Variants in RAB11FIP1 observed in about 807,000 individuals in gnomAD.
RAB11FIP1 encodes the protein RAB11 family interacting protein 1, also known as rab11 family-interacting protein 1.
A neutral mutation model predicts 83.1 loss-of-function variants in RAB11FIP1; 49 were observed. The ratio of observed to expected loss-of-function variants is 0.59; its 90% CI spans 0.47 to 0.75. The LOEUF is 0.75. Ranked by LOEUF, RAB11FIP1 falls within the 30% of genes least tolerant of loss-of-function variation. The pLI is 0.00. For synonymous variants in RAB11FIP1, 670 were observed against 656.0 expected, an observed-to-expected ratio of 1.02 and a Z score of -0.33; for missense variants, 1,536 against 1,598.7, an observed-to-expected ratio of 0.96 and a Z score of 0.67.
At chr8:37,882,068 G>T (rs887340896) in intron 1 of RAB11FIP1, among the ~76,000 whole-genome samples, 2 of 152,140 alleles carry the variant, frequency 1.3e-5, no homozygotes, top group African/African-American at 4.8e-5. Context: ...CTCACCAACC[G>T]CAGGCGGGCA....
chr8:37,884,497 C>T (rs1168124292), intron 1 of RAB11FIP1, among the ~76,000 whole-genome samples: 3 of 152,158 alleles, frequency 2.0e-5, no homozygotes, highest in Admixed American at 1.3e-4. Flanking sequence ...AAGCCATCCT[C>T]CCACCTCAGC....
chr8:37,898,955 C>G lies in RAB11FIP1; in HGVS notation c.371+116G>C, dbSNP rs2130211643. 2.7e-6 allele frequency: 3 copies of G among 1,129,570 alleles called. No homozygotes were observed. The East Asian group carries it at 9.5e-5, about 36-fold the overall frequency. 70.0% of individuals were successfully genotyped at this position (1,129,570 alleles called of 1,614,324 possible). A position where few individuals can be genotyped will look rare whatever the true frequency, so the allele number is the denominator to read the frequency against. The stretch of plus-strand genomic sequence containing the variant: ...CCAGCACCGGCCGAGGGCTCCGTCC[C>G]GAAAGGCCTTCCCCGCTGCTGCCCG... On this transcript the variant is annotated intron_variant, in intron 1 of 5. Transcript: ENST00000330843.
chr8:37,890,978 T>C (rs78599272), intron 1 of RAB11FIP1, among the ~76,000 whole-genome samples: 4,315 of 152,176 alleles, frequency 0.028, 110 homozygotes, highest in Admixed American at 0.052. Context: ...CCACAACCAC[T>C]GCCTCCCTCA....
chr8:37,899,206 G>T lies in RAB11FIP1; in HGVS notation c.236C>A (p.Ser79Tyr). 1 of 1,575,702 alleles carries T rather than the reference G, an allele frequency of 6.3e-7. No homozygotes were observed. ...EATFELPSLL[S>Y]SGPAAAATLQ... ...GGTGGCGGCGGCCGCGGGTCCGGAGGACAGCAGCGATGGCAGCTCGAAGGT... is the reference window on the plus strand; with the variant it reads ...GGTGGCGGCGGCCGCGGGTCCGGAGTACAGCAGCGATGGCAGCTCGAAGGT... Residue 79 changes from serine (S) to tyrosine (Y), a missense_variant, in exon 1 of 6, where the codon TCC becomes TAC. Physicochemically the swap from Ser to Tyr is moderately radical, Grantham distance 144 (BLOSUM62 -2). Coordinates refer to ENST00000330843, the MANE Select transcript of RAB11FIP1 (RefSeq NM_001002814.3). The surrounding 1 kb of genome is among the most constrained non-coding windows in gnomAD (Gnocchi z 4.5).
At chr8:37,894,711 C>CATATATAT (rs1008699497) in intron 1 of RAB11FIP1, among the ~76,000 whole-genome samples, 18 of 145,044 alleles carry the variant, frequency 1.2e-4, no homozygotes, top group African/African-American at 4.4e-4. Flanking sequence ...CATATATATA[C>CATATATAT]ATATATATAT....
intron 4 of RAB11FIP1, chr8:37,871,013 T>C (rs920708621): frequency 3.7e-5 from 16 of 434,950 alleles, no homozygotes; most frequent in Non-Finnish European, 6.5e-5. Flanking sequence ...ACTGGTGGCA[T>C]TGCGTTTCTG....
intron 1 of RAB11FIP1, 84 bp downstream of exon 1, chr8:37,898,987 T>A (rs1283055419): frequency 1.5e-6 from 2 of 1,329,928 alleles, no homozygotes; most frequent in Admixed American, 7.3e-5. Context: ...CCCGGCTTAC[T>A]CTCGAAGGGT....
At chr8:37,879,928 C>CA (rs1806701000) in intron 1 of RAB11FIP1, among the ~76,000 whole-genome samples, 1 of 151,940 alleles carries the variant, frequency 6.6e-6, no homozygotes, top group Admixed American at 6.6e-5. Context: ...ATATATTTTA[C>CA]CACAATAAAA....
Position 37,883,762 on chromosome 8 carries a change from C to T in RAB11FIP1, c.372-6211G>A, listed in dbSNP as rs544073911. Among the ~76,000 whole-genome samples the T allele has an allele frequency of 1.1e-4, 17 of 152,266 alleles. No homozygotes were observed. In the East Asian group the frequency reaches 2.5e-3, roughly 22 times the overall value. ...CTAGCAACACAGCATGTGATGGCAG[C>T]GTGGGTGTGTTCCAGTATTATCTTT... On this transcript the variant is annotated intron_variant, in intron 1 of 5. Coordinates refer to ENST00000330843, the MANE Select transcript of RAB11FIP1 (RefSeq NM_001002814.3).
At chr8:37,896,028 C>T (rs768155865) in intron 1 of RAB11FIP1, among the ~76,000 whole-genome samples, 38 of 152,050 alleles carry the variant, frequency 2.5e-4, no homozygotes, top group Non-Finnish European at 4.0e-4. Context: ...TTTCACCTTT[C>T]GCCTGGCACG....
chr8:37,897,953 G>A (rs1057041199), intron 1 of RAB11FIP1, among the ~76,000 whole-genome samples: 2 of 152,322 alleles, frequency 1.3e-5, no homozygotes, highest in Middle Eastern at 3.4e-3. Context: ...GTTGCGCCCG[G>A]GGTTAGCCTT....
chr8:37,862,068 T>C lies in RAB11FIP1; in HGVS notation c.*827A>G, dbSNP rs1338794862. 6.5e-6 allele frequency: 1 copy of C among 153,558 alleles called. No homozygotes were observed. The highest frequency in any genetic ancestry group is 2.4e-5 in the African/African-American group (1 of 41,436). The allele number at this position is 153,558 out of a possible 1,614,324, so 9.5% of individuals were successfully genotyped here. A position where few individuals can be genotyped will look rare whatever the true frequency, so the allele number is the denominator to read the frequency against. Reference sequence around the variant, plus strand: ...CGAGTGCGTGGACCACCCAATCCCCTAGCAAAGCGCTGAATAGGCTGGTCT... The same window carrying C: ...CGAGTGCGTGGACCACCCAATCCCCCAGCAAAGCGCTGAATAGGCTGGTCT... On this transcript the variant is annotated 3_prime_UTR_variant, in exon 6 of 6. Transcript: ENST00000330843.
rs190026258 is a variant in RAB11FIP1 at position 37,861,654 on chromosome 8, T to A, written c.*1241A>T. ...CCCAGGCTGGAGTGCAGTGGCACGA[T>A]CTTGGCTCGCTGCAGCCTCCATCTC... On this transcript the variant is annotated 3_prime_UTR_variant, in exon 6 of 6. Transcript: ENST00000330843. 1.8e-4 allele frequency: 78 copies of A among 421,982 alleles called. No individual in the cohort carries two copies. The highest frequency in any genetic ancestry group is 1.3e-3 in the African/African-American group (64 of 47,610). The allele number at this position is 421,982 out of a possible 1,614,324, so 26.1% of individuals were successfully genotyped here.
chr8:37,865,504 G>C (rs57882564), intron 5 of RAB11FIP1, among the ~76,000 whole-genome samples: 1 of 151,872 alleles, frequency 6.6e-6, no homozygotes, highest in South Asian at 2.1e-4. Context: ...ATTTTTAGTA[G>C]AGACAGGGTT....
intron 1 of RAB11FIP1, among the ~76,000 whole-genome samples, chr8:37,885,896 C>A (rs567412704): frequency 2.6e-5 from 4 of 152,224 alleles, no homozygotes; most frequent in African/African-American, 9.6e-5. Flanking sequence ...TCCCAGGGGT[C>A]CTTCTGTCGG....
At chr8:37,882,259 G>A (rs1210103074) in intron 1 of RAB11FIP1, among the ~76,000 whole-genome samples, 4 of 152,182 alleles carry the variant, frequency 2.6e-5, no homozygotes, top group African/African-American at 9.7e-5. Context: ...AGGAAAATGA[G>A]GCTGGGACTT....
rs1414531887 is a variant in RAB11FIP1 at position 37,872,277 on chromosome 8, C to A, written c.2525G>T (p.Trp842Leu). The A allele has an allele frequency of 6.2e-7, 1 of 1,613,946 alleles. No individual in the cohort carries two copies. Among genetic ancestry groups the A allele is most frequent in the Non-Finnish European group, 8.5e-7 (1 of 1,179,930 alleles). ...SSCPQELNPA[W>L]SVAGNASDGE... The stretch of plus-strand genomic sequence containing the variant: ...GTCAGACGCGTTTCCAGCAACAGAC[C>A]ATGCAGGGTTCAGCTCCTGGGGACA... The change falls in exon 4 of 6, where the codon TGG becomes TTG. Residue 842 changes from tryptophan (W) to leucine (L), a missense_variant. By Grantham distance (61) the Trp-to-Leu change is moderately conservative. Transcript: ENST00000330843.
In RAB11FIP1 at chr8:37,860,876, C is replaced by G. The variant is rs1352124841; in HGVS notation, c.*2019G>C. On this transcript the variant is annotated 3_prime_UTR_variant, in exon 6 of 6. Transcript: ENST00000330843. ...TAAAGTGCTCTGATATAACCAATGC[C>G]ACAGCAAACGAAATCCTGGAAAGAG... is the stretch of plus-strand genomic sequence containing the variant. 1 of 152,564 alleles carries G rather than the reference C, an allele frequency of 6.6e-6. No homozygotes were observed. The highest frequency in any genetic ancestry group is 1.5e-5 in the Non-Finnish European group (1 of 68,014). The allele number at this position is 152,564 out of a possible 1,614,324, so 9.5% of individuals were successfully genotyped here. A position where few individuals can be genotyped will look rare whatever the true frequency, so the allele number is the denominator to read the frequency against.
At chr8:37,878,692 T>TAA (rs1326272323) in intron 1 of RAB11FIP1, among the ~76,000 whole-genome samples, 2 of 132,028 alleles carry the variant, frequency 1.5e-5, no homozygotes, top group Admixed American at 7.7e-5. Flanking sequence ...AACACAGAAT[T>TAA]AAAAAAAAAA....
Sources: gnomAD v4.1 joint callset for allele counts (sites outside exome capture counted in the v4.1 genomes callset) on GRCh38, gnomAD v4.1.1 for gene constraint, Gnocchi (gnomAD v3.1) non-coding constraint, MANE v1.5 for transcripts, NCBI Gene and HGNC (gene_info 2026-07-23, HGNC 2026-07-21) for gene names.